The following KATNIP variants were observed in gnomAD, a reference collection of about 807,000 sequenced individuals.
KATNIP encodes katanin-interacting protein.
KATNIP carries 126 observed loss-of-function variants against 174.0 expected under a neutral mutation model. The observed-to-expected ratio is 0.72, with a 90% CI of 0.63 to 0.84. The LOEUF (loss-of-function observed/expected upper bound fraction) is 0.84, where lower values mean the gene tolerates loss of function less well. Among genes scored for constraint, KATNIP ranks in the 40% least tolerant of loss-of-function variants. The probability of loss-of-function intolerance (pLI) is 0.00; values close to 1 mark genes in which losing one functional copy is unlikely to be tolerated. For synonymous variants in KATNIP, 810 were observed against 835.7 expected (o/e 0.97, Z 0.53); for missense variants, 1,958 against 2,109.7 (o/e 0.93, Z 1.41).
intron 15 of KATNIP, among the ~76,000 whole-genome samples, chr16:27,745,087 C>G (rs2081240542): frequency 6.6e-6 from 1 of 152,166 alleles, no homozygotes; most frequent in Non-Finnish European, 1.5e-5. Flanking sequence ...CAGAGCATCT[C>G]GTTGAATGCC....
At chr16:27,598,184 C>T (rs1313283749) in intron 2 of KATNIP, among the ~76,000 whole-genome samples, 1 of 149,078 alleles carries the variant, frequency 6.7e-6, no homozygotes, top group African/African-American at 2.5e-5. Flanking sequence ...GAGGTTGCAG[C>T]AAACTGAGAA....
chr16:27,567,493 G>T (rs967907994), intron 1 of KATNIP, among the ~76,000 whole-genome samples: 1 of 152,084 alleles, frequency 6.6e-6, no homozygotes, highest in Non-Finnish European at 1.5e-5. Context: ...GGATGTGGTA[G>T]CACACCCTTG....
Position 27,581,008 on chromosome 16 carries a change from C to G in KATNIP, c.63+7052C>G, listed in dbSNP as rs530204388. On this transcript the variant is annotated intron_variant, in intron 2 of 27. Coordinates refer to ENST00000261588, the MANE Select transcript of KATNIP (RefSeq NM_015202.5). The stretch of plus-strand genomic sequence containing the variant: ...TTGGGATGCTGAGGTGGGTGGCTCA[C>G]TTGACCCCAGGAGTTTGAATCCAGG... Among the ~76,000 whole-genome samples the G allele has an allele frequency of 1.1e-4, 17 of 152,222 alleles. No individual in the cohort carries two copies. The East Asian group carries it at 3.3e-3, about 29-fold the overall frequency.
intron 8 of KATNIP, among the ~76,000 whole-genome samples, chr16:27,681,988 A>G (rs574267573): frequency 6.6e-6 from 1 of 152,368 alleles, no homozygotes; most frequent in South Asian, 2.1e-4. Flanking sequence ...ATATTTGACC[A>G]GATATCTGGG....
At chr16:27,713,367 G>A (rs1182171932) in intron 13 of KATNIP, among the ~76,000 whole-genome samples, 2 of 151,978 alleles carry the variant, frequency 1.3e-5, no homozygotes, top group African/African-American at 4.8e-5. Flanking sequence ...GTTTGACTGT[G>A]TCCCCACCCA....
chr16:27,680,396 AG>A (rs989237220), intron 7 of KATNIP, among the ~76,000 whole-genome samples: 2 of 152,178 alleles, frequency 1.3e-5, no homozygotes, highest in African/African-American at 4.8e-5. Context: ...CTGGAAAAGC[AG>A]GGGACCTGAC....
rs989339945 is a variant in KATNIP at position 27,631,051 on chromosome 16, C to T, written c.311-14C>T. The T allele has an allele frequency of 1.3e-5, 20 of 1,554,344 alleles. No individual in the cohort carries two copies. Among genetic ancestry groups the T allele is most frequent in the South Asian group, 2.4e-5 (2 of 84,420 alleles). ...AGTGCCTCACCAAGTCTCCTTCCCT[C>T]GTCTCTGGTGCAGATTATGGACGAA... On this transcript the variant is annotated splice_polypyrimidine_tract_variant and intron_variant, in intron 4 of 27. Coordinates refer to ENST00000261588, the MANE Select transcript of KATNIP (RefSeq NM_015202.5).
chr16:27,609,806 C>T (rs1177562313), intron 2 of KATNIP, among the ~76,000 whole-genome samples: 1 of 151,898 alleles, frequency 6.6e-6, no homozygotes, highest in Non-Finnish European at 1.5e-5. Flanking sequence ...ATTCTCCTGC[C>T]TCAGCCTCCC....
chr16:27,575,978 A>G (rs982238532), intron 2 of KATNIP, among the ~76,000 whole-genome samples: 2 of 152,104 alleles, frequency 1.3e-5, no homozygotes. Context: ...GAGGTAGAGG[A>G]GCAGGGATGG....
intron 5 of KATNIP, among the ~76,000 whole-genome samples, chr16:27,640,537 A>G (rs2076760985): frequency 1.3e-5 from 2 of 152,092 alleles, no homozygotes; most frequent in Admixed American, 1.3e-4. Flanking sequence ...TGGAGGGACT[A>G]TTTATTCCCC....
At chr16:27,712,699 C>A (rs1373337779) in intron 13 of KATNIP, among the ~76,000 whole-genome samples, 1 of 152,198 alleles carries the variant, frequency 6.6e-6, no homozygotes, top group African/African-American at 2.4e-5. Flanking sequence ...CAAGATGACT[C>A]CAGATTTATA....
chr16:27,764,005 A>T (rs1441685714), intron 19 of KATNIP, among the ~76,000 whole-genome samples: 21 of 152,246 alleles, frequency 1.4e-4, no homozygotes, highest in Admixed American at 1.4e-3. Flanking sequence ...GGACATACAG[A>T]ATAGAATGTC....
At chr16:27,562,681 G>C (rs1042046038) in intron 1 of KATNIP, among the ~76,000 whole-genome samples, 2 of 152,214 alleles carry the variant, frequency 1.3e-5, no homozygotes, top group African/African-American at 4.8e-5. Flanking sequence ...GAGTGGGAAT[G>C]GGTTTAGGAG....
In KATNIP at chr16:27,612,524, C is replaced by T. The variant is rs974803026; in HGVS notation, c.64-5901C>T. 8.6e-5 allele frequency among the ~76,000 whole-genome samples: 13 copies of T among 151,938 alleles called. No individual in the cohort carries two copies. The South Asian group carries it at 1.0e-3, about 12-fold the overall frequency. On this transcript the variant is annotated intron_variant, in intron 2 of 27. Coordinates refer to ENST00000261588, the MANE Select transcript of KATNIP (RefSeq NM_015202.5). ...TGTAATCCCAACACTTTTGGGAGGC[C>T]GAGGCAGGTGGATCACCTGAGGTCA...
intron 13 of KATNIP, among the ~76,000 whole-genome samples, chr16:27,721,040 T>C (rs1390196592): frequency 6.6e-6 from 1 of 152,184 alleles, no homozygotes; most frequent in Non-Finnish European, 1.5e-5. Context: ...TTGGAAACCC[T>C]GAAAGGAACA....
chr16:27,746,219 G>T (rs2081290430), intron 15 of KATNIP, among the ~76,000 whole-genome samples: 1 of 152,154 alleles, frequency 6.6e-6, no homozygotes, highest in South Asian at 2.1e-4. Context: ...GTCCCTGCCT[G>T]CCTCGCACAC....
chr16:27,769,395 G>A (rs187212793), intron 20 of KATNIP, among the ~76,000 whole-genome samples: 25 of 152,368 alleles, frequency 1.6e-4, no homozygotes, highest in Middle Eastern at 3.4e-3. Context: ...TAACATTCAC[G>A]AAGTATACAG....
rs374972910 is a variant in KATNIP, at chr16:27,754,184, A to G, written c.3564A>G (p.Leu1188=). ...CAACCCATGTGCAGATCCCGGAGCT[A>G]GAGCTCCCATCCAGTTCCCCTGTCC... ...GLGADERIPE[L]ELPSSSPVPQ... is the part of the protein sequence containing the mutation. Residue 1188 remains leucine, a synonymous_variant, in exon 18 of 28, where the codon CTA becomes CTG. Transcript: ENST00000261588. The G allele has an allele frequency of 6.8e-6, 11 of 1,613,480 alleles. No homozygotes were observed. Among genetic ancestry groups the G allele is most frequent in the African/African-American group, 6.7e-5 (5 of 74,870 alleles).
Position 27,776,874 on chromosome 16 carries a change from C to A in KATNIP, c.4450-54C>A. On this transcript the variant is annotated intron_variant, in intron 24 of 27. Coordinates refer to ENST00000261588, the MANE Select transcript of KATNIP (RefSeq NM_015202.5). This position sits in a 1 kb window ranked among gnomAD's most constrained non-coding sequence, Gnocchi z 4.7. ...CCACGCCTGGCACCCCCAGCCCAGCCAAGCGCCTCTGTTTCCAAACATGCC... is the reference window on the plus strand; with the variant it reads ...CCACGCCTGGCACCCCCAGCCCAGCAAAGCGCCTCTGTTTCCAAACATGCC... The A allele has an allele frequency of 1.5e-6, 2 of 1,344,924 alleles. No homozygotes were observed. The highest frequency in any genetic ancestry group is 2.1e-6 in the Non-Finnish European group (2 of 936,842). The allele number at this position is 1,344,924 out of a possible 1,614,324, so 83.3% of individuals were successfully genotyped here. A position where few individuals can be genotyped will look rare whatever the true frequency, so the allele number is the denominator to read the frequency against.
Sources: allele counts gnomAD v4.1 joint callset (sites outside exome capture counted in the v4.1 genomes callset), GRCh38; gene constraint gnomAD v4.1.1; non-coding constraint Gnocchi (gnomAD v3.1); transcripts MANE v1.5; gene names NCBI Gene and HGNC (gene_info 2026-07-23, HGNC 2026-07-21).